Variants in DENND4C observed in about 807,000 individuals in gnomAD.
DENND4C encodes DENN domain-containing protein 4C.
A neutral mutation model predicts 203.0 loss-of-function variants in DENND4C; 108 were observed. That is an observed-to-expected ratio of 0.53 (90% CI 0.46 to 0.62). DENND4C has a LOEUF of 0.62. DENND4C is among the 20% of genes least tolerant of loss of function. DENND4C has a pLI of 0.00. For missense variants in DENND4C, 2,481 were observed against 2,301.2 expected, an observed-to-expected ratio of 1.08 and a Z score of -1.60; for synonymous variants, 871 against 792.4, an observed-to-expected ratio of 1.10 and a Z score of -1.67.
At chr9:19,262,304 T>A (rs961891558) in intron 1 of DENND4C, among the ~76,000 whole-genome samples, 1 of 151,966 alleles carries the variant, frequency 6.6e-6, no homozygotes, top group African/African-American at 2.4e-5. Flanking sequence ...GCCAGGCTGG[T>A]CTTGAACTCC....
At chr9:19,319,294 A>G (rs1002617009) in intron 12 of DENND4C, among the ~76,000 whole-genome samples, 5 of 142,028 alleles carry the variant, frequency 3.5e-5, no homozygotes, top group Admixed American at 7.5e-5. Flanking sequence ...ATTTGTGTGT[A>G]TATATATACA....
At chr9:19,259,719 G>T (rs1828894106) in intron 1 of DENND4C, among the ~76,000 whole-genome samples, 1 of 151,968 alleles carries the variant, frequency 6.6e-6, no homozygotes, top group Non-Finnish European at 1.5e-5. Flanking sequence ...TGGTCAGGCT[G>T]GTCTCAAACT....
intron 2 of DENND4C, among the ~76,000 whole-genome samples, chr9:19,282,519 G>A (rs561497416): frequency 6.8e-6 from 1 of 147,076 alleles, no homozygotes; most frequent in African/African-American, 2.5e-5. Context: ...CTCCCAAAGT[G>A]CTGGGATTAC....
At chr9:19,325,999 G>A in intron 14 of DENND4C, 25 bp downstream of exon 14, 2 of 1,608,238 alleles carry the variant, frequency 1.2e-6, no homozygotes, top group Non-Finnish European at 1.7e-6. Context: ...GATTTTAAGG[G>A]TTGAAATTTC....
Position 19,372,140 on chromosome 9 carries a change from G to A in DENND4C, c.5844G>A (p.Trp1948Ter), listed in dbSNP as rs1828957956. ...CTCCACCAAGTGCCAGTGTCGAGTG[G>A]TGCAGGAAGTGTTTTGGAGCGCCTC... Reference protein sequence around the residue: ...IDAPPSASVEWCRKCFGAPLI With the variant: ...IDAPPSASVE The change falls in exon 33 of 33, where the codon TGG becomes TGA. Residue 1948 changes from tryptophan to a stop codon, truncating the protein, a stop_gained. Transcript: ENST00000434457. LOFTEE classifies it high-confidence loss of function. 1 of 1,613,636 alleles carries A rather than the reference G, an allele frequency of 6.2e-7. No homozygotes were observed. The highest frequency in any genetic ancestry group is 8.5e-7 in the Non-Finnish European group (1 of 1,179,886).
At chr9:19,322,969 A>G (rs895048376) in intron 12 of DENND4C, among the ~76,000 whole-genome samples, 1 of 152,126 alleles carries the variant, frequency 6.6e-6, no homozygotes, top group Non-Finnish European at 1.5e-5. Flanking sequence ...TGTGTGTTGA[A>G]GTTGGTGATT....
At chr9:19,252,996 C>G (rs1386268606) in intron 1 of DENND4C, among the ~76,000 whole-genome samples, 6 of 152,194 alleles carry the variant, frequency 3.9e-5, no homozygotes, top group Non-Finnish European at 8.8e-5. Flanking sequence ...CTGTGACCTC[C>G]CAAAGTGCTG....
At chr9:19,340,774 T>C (rs145186388) in intron 20 of DENND4C, among the ~76,000 whole-genome samples, 102 of 152,342 alleles carry the variant, frequency 6.7e-4, no homozygotes, top group African/African-American at 2.5e-3. Flanking sequence ...AATTAAGATG[T>C]AGTGCTTCCA....
chr9:19,298,244 T>C (rs1837855959), intron 7 of DENND4C, 122 bp downstream of exon 7: 1 of 780,440 alleles, frequency 1.3e-6, no homozygotes, highest in Admixed American at 2.6e-5. Flanking sequence ...AGTCCTTGGA[T>C]TTTCTGTGCT....
chr9:19,296,047 C>G lies in DENND4C; in HGVS notation c.841C>G (p.Arg281Gly), dbSNP rs768690648. ...CATTCAGTTTTATGAACCTTACTCT[C>G]GGGAACTTCTATCAGAGAAACAGCT... ...AAIQFYEPYS[R>G]ELLSEKQLMH... is the part of the protein sequence containing the mutation. The change falls in exon 6 of 33, where the codon CGG becomes GGG. Residue 281 changes from arginine (R) to glycine (G), a missense_variant. Physicochemically the swap from Arg to Gly is moderately radical, Grantham distance 125. Around this residue, in one of 3 missense-constraint regions of DENND4C, gnomAD observed 2,289 missense variants for 2,113.3 expected, o/e 1.08. Transcript: ENST00000434457. 3.7e-6 allele frequency: 6 copies of G among 1,613,884 alleles called. No individual in the cohort carries two copies. The highest frequency in any genetic ancestry group is 5.1e-6 in the Non-Finnish European group (6 of 1,179,982).
chr9:19,361,496 C>G (rs1325036297), intron 29 of DENND4C, among the ~76,000 whole-genome samples: 2 of 152,136 alleles, frequency 1.3e-5, no homozygotes, highest in Non-Finnish European at 2.9e-5. Context: ...CCTTAAAGTA[C>G]TATAAACTCT....
chr9:19,236,734 T>C (rs1188936086), intron 1 of DENND4C, among the ~76,000 whole-genome samples: 1 of 152,176 alleles, frequency 6.6e-6, no homozygotes, highest in Non-Finnish European at 1.5e-5. Context: ...TACAAACATT[T>C]CCTGTGGCCC....
rs918276015 is a variant in DENND4C, at chr9:19,332,251, G to T, written c.2460+67G>T. ...TTTTTGTACTTCTAATAAAATTTGG[G>T]TGTAAGTTGCTTTAAAGTGTGCTCA... On this transcript the variant is annotated intron_variant, in intron 17 of 32. Coordinates refer to ENST00000434457, the MANE Select transcript of DENND4C (RefSeq NM_001330640.2). 19 of 1,458,554 alleles carry T rather than the reference G, an allele frequency of 1.3e-5. No individual in the cohort carries two copies. The African/African-American group carries it at 2.4e-4, about 18-fold the overall frequency. 90.4% of individuals were successfully genotyped at this position (1,458,554 alleles called of 1,614,324 possible).
chr9:19,258,122 AATC>A (rs1379274140), intron 1 of DENND4C, among the ~76,000 whole-genome samples: 1 of 17,694 alleles, frequency 5.7e-5, no homozygotes, highest in Non-Finnish European at 1.4e-4. Context: ...TGTCTCAAAA[AATC>A]AATCAATCAA....
intron 1 of DENND4C, among the ~76,000 whole-genome samples, chr9:19,274,832 G>A (rs576031342): frequency 6.6e-6 from 1 of 152,284 alleles, no homozygotes; most frequent in South Asian, 2.1e-4. Flanking sequence ...GATCTTGACT[G>A]ATGATGCACT....
At chr9:19,280,645 A>G (rs1833863288) in intron 2 of DENND4C, among the ~76,000 whole-genome samples, 1 of 152,090 alleles carries the variant, frequency 6.6e-6, no homozygotes, top group African/African-American at 2.4e-5. Flanking sequence ...AAGGGAAACC[A>G]GCCAGGTACT....
At chr9:19,267,520 T>A (rs12002569) in intron 1 of DENND4C, among the ~76,000 whole-genome samples, 27,832 of 151,918 alleles carry the variant, frequency 0.18, 2,624 homozygotes, top group Admixed American at 0.21. Flanking sequence ...GTTTCTTTTT[T>A]AAAAAATTTT....
upstream of DENND4C, chr9:19,230,589 C>G (rs117019450): frequency 5.9e-3 from 893 of 152,200 alleles, 26 homozygotes; most frequent in South Asian, 0.055. Flanking sequence ...CACTGTCCGA[C>G]GGCTCACAGC....
chr9:19,301,649 C>T (rs113523428), intron 9 of DENND4C, among the ~76,000 whole-genome samples: 2,353 of 152,188 alleles, frequency 0.015, 55 homozygotes, highest in African/African-American at 0.054. Flanking sequence ...AGAAAGTTCC[C>T]ACCCAGGCCA....
Sources: allele counts gnomAD v4.1 joint callset (sites outside exome capture counted in the v4.1 genomes callset), GRCh38; gene constraint gnomAD v4.1.1; regional missense constraint gnomAD v4.1.1; transcripts MANE v1.5; gene names NCBI Gene and HGNC (gene_info 2026-07-23, HGNC 2026-07-21).